The following AUTS2 variants were observed in gnomAD, a reference collection of about 807,000 sequenced individuals.
AUTS2 encodes the protein activator of transcription and developmental regulator AUTS2.
In AUTS2, 17 loss-of-function variants were observed where a neutral mutation model predicts 112.4. That is an observed-to-expected ratio of 0.15 (90% CI 0.10 to 0.23). AUTS2 has a LOEUF of 0.23. Ranked by LOEUF, AUTS2 falls within the 10% of genes least tolerant of loss-of-function variation. The pLI, the probability that AUTS2 is intolerant of heterozygous loss-of-function variation, is 1.00. For missense variants in AUTS2, 1,510 were observed against 1,701.6 expected, an observed-to-expected ratio of 0.89 and a Z score of 1.98; for synonymous variants, 751 against 702.7, an observed-to-expected ratio of 1.07 and a Z score of -1.09.
chr7:70,451,058 A>G (rs1298262302), intron 5 of AUTS2, among the ~76,000 whole-genome samples: 5 of 152,172 alleles, frequency 3.3e-5, no homozygotes, highest in African/African-American at 4.8e-5. Context: ...ATTTTAGTTC[A>G]GTGTCTGGGA....
At chr7:70,747,988 ATTT>A (rs770222247) in intron 6 of AUTS2, among the ~76,000 whole-genome samples, 4 of 108,514 alleles carry the variant, frequency 3.7e-5, no homozygotes, top group East Asian at 2.9e-4. Context: ...CGCCCAGCCA[ATTT>A]TTTTTTTTTT....
At chr7:70,390,803 T>C (rs1039614213) in intron 4 of AUTS2, among the ~76,000 whole-genome samples, 5 of 152,122 alleles carry the variant, frequency 3.3e-5, no homozygotes, top group African/African-American at 1.2e-4. Context: ...CTATATGATA[T>C]AGCCAGGCCG....
intron 4 of AUTS2, among the ~76,000 whole-genome samples, chr7:70,308,741 C>A (rs1403020876): frequency 6.6e-6 from 1 of 152,158 alleles, no homozygotes; most frequent in Non-Finnish European, 1.5e-5. Flanking sequence ...ACAAGTATAT[C>A]TTTATCCTTT....
Position 70,716,310 on chromosome 7 carries a change from G to A in AUTS2, c.742+17690G>A, listed in dbSNP as rs918583460. 5.9e-5 allele frequency among the ~76,000 whole-genome samples: 9 copies of A among 152,214 alleles called. No individual in the cohort carries two copies. In the South Asian group the frequency reaches 6.2e-4, roughly 11 times the overall value. ...ATACCAGCCCAGCATAAAGAGGATCGGGGGCTTCAGTTTGGTGAATTTAAA... is the reference window on the plus strand; with the variant it reads ...ATACCAGCCCAGCATAAAGAGGATCAGGGGCTTCAGTTTGGTGAATTTAAA... On this transcript the variant is annotated intron_variant, in intron 6 of 18. Coordinates refer to ENST00000342771, the MANE Select transcript of AUTS2 (RefSeq NM_015570.4).
chr7:70,117,319 G>A (rs1437834021), intron 2 of AUTS2, among the ~76,000 whole-genome samples: 1 of 151,866 alleles, frequency 6.6e-6, no homozygotes, highest in Non-Finnish European at 1.5e-5. Flanking sequence ...AGATCATTAG[G>A]TGCCATCCCA....
intron 5 of AUTS2, among the ~76,000 whole-genome samples, chr7:70,607,965 A>G (rs1045004078): frequency 2.6e-5 from 4 of 152,206 alleles, no homozygotes; most frequent in Non-Finnish European, 5.9e-5. Flanking sequence ...ATTTCTACAA[A>G]TAGTCATATG....
chr7:69,707,311 C>G (rs1358458667), intron 1 of AUTS2, among the ~76,000 whole-genome samples: 1 of 152,130 alleles, frequency 6.6e-6, no homozygotes, highest in Non-Finnish European at 1.5e-5. Flanking sequence ...TGTCACCAGT[C>G]TGTTTTCTTT....
intron 5 of AUTS2, among the ~76,000 whole-genome samples, chr7:70,633,919 G>A (rs917481181): frequency 6.6e-6 from 1 of 152,124 alleles, no homozygotes; most frequent in Non-Finnish European, 1.5e-5. Flanking sequence ...GAAGGGTGAT[G>A]GCTGTGTCAG....
At chr7:70,182,174 A>G (rs1040535338) in intron 4 of AUTS2, among the ~76,000 whole-genome samples, 1 of 152,206 alleles carries the variant, frequency 6.6e-6, no homozygotes, top group Non-Finnish European at 1.5e-5. Flanking sequence ...CCTGTTGCTT[A>G]TGTGATAAAG....
intron 5 of AUTS2, among the ~76,000 whole-genome samples, chr7:70,462,915 G>A (rs935350034): frequency 2.6e-5 from 4 of 151,580 alleles, no homozygotes; most frequent in East Asian, 3.9e-4. Flanking sequence ...CCGAGATTGC[G>A]CCACTGCACT....
chr7:70,229,034 T>A (rs1247160015), intron 4 of AUTS2, among the ~76,000 whole-genome samples: 1 of 151,910 alleles, frequency 6.6e-6, no homozygotes, highest in Non-Finnish European at 1.5e-5. Flanking sequence ...TATATATTAA[T>A]CTTTCTATAT....
In AUTS2 at chr7:70,171,905, T is replaced by TGGGGG. The variant is rs567903138; in HGVS notation, c.660+37339_660+37343dup. On this transcript the variant is annotated intron_variant, in intron 4 of 18. Coordinates refer to ENST00000342771, the MANE Select transcript of AUTS2 (RefSeq NM_015570.4). Reference sequence around the variant, plus strand: ...TTTATTATAAACAAGTTTTTTTTTTTGGGGGGGGGTAGTTTTTCCCTCCTT... The same window carrying TGGGGG: ...TTTATTATAAACAAGTTTTTTTTTTTGGGGGGGGGGGGGGTAGTTTTTCCCTCCTT... Among the ~76,000 whole-genome samples the TGGGGG allele has an allele frequency of 5.1e-4, 75 of 146,788 alleles. 1 individual carries two copies. Among genetic ancestry groups the TGGGGG allele is most frequent in the African/African-American group, 1.8e-3 (73 of 39,770 alleles).
intron 2 of AUTS2, among the ~76,000 whole-genome samples, chr7:69,978,904 A>ACACACACACACG (rs1798177197): frequency 6.7e-6 from 1 of 149,840 alleles, no homozygotes; most frequent in Non-Finnish European, 1.5e-5. Context: ...ACACACACGC[A>ACACACACACACG]CACACGCACA....
chr7:70,056,945 A>G (rs1009923458), intron 2 of AUTS2, among the ~76,000 whole-genome samples: 20 of 152,196 alleles, frequency 1.3e-4, no homozygotes, highest in African/African-American at 4.3e-4. Flanking sequence ...TATGATTATA[A>G]TGATTCTTGC....
intron 5 of AUTS2, among the ~76,000 whole-genome samples, chr7:70,450,215 C>T (rs553611340): frequency 6.6e-6 from 1 of 152,214 alleles, no homozygotes; most frequent in Non-Finnish European, 1.5e-5. Context: ...GGGAAGAAGA[C>T]AAAGACATAG....
At chr7:70,735,724 T>C (rs1787744467) in intron 6 of AUTS2, among the ~76,000 whole-genome samples, 1 of 152,126 alleles carries the variant, frequency 6.6e-6, no homozygotes, top group Non-Finnish European at 1.5e-5. Flanking sequence ...GAGAGAATAC[T>C]GTGTTATTAG....
chr7:70,359,389 C>T (rs930716195), intron 4 of AUTS2, among the ~76,000 whole-genome samples: 1 of 152,124 alleles, frequency 6.6e-6, no homozygotes, highest in Non-Finnish European at 1.5e-5. Context: ...GTTGCCATAA[C>T]AGAATACCTG....
intron 5 of AUTS2, among the ~76,000 whole-genome samples, chr7:70,469,415 G>A (rs1208547749): frequency 2.0e-5 from 3 of 152,130 alleles, no homozygotes; most frequent in Non-Finnish European, 2.9e-5. Context: ...AACTATACCT[G>A]GTATAGGCAA....
intron 1 of AUTS2, among the ~76,000 whole-genome samples, chr7:69,829,979 A>G (rs1200207833): frequency 2.0e-5 from 3 of 152,190 alleles, no homozygotes; most frequent in East Asian, 3.8e-4. Flanking sequence ...AAGACAGGGA[A>G]CTAACCCAGA....
Sources: gnomAD v4.1 joint callset for allele counts (sites outside exome capture counted in the v4.1 genomes callset) on GRCh38, gnomAD v4.1.1 for gene constraint, MANE v1.5 for transcripts, NCBI Gene and HGNC (gene_info 2026-07-23, HGNC 2026-07-21) for gene names.